The following PCDHA9 variants were observed in gnomAD, a reference collection of about 807,000 sequenced individuals.
PCDHA9 encodes the protein protocadherin alpha-9.
PCDHA9 carries 62 observed loss-of-function variants against 62.0 expected under a neutral mutation model. That is an observed-to-expected ratio of 1.00 (90% CI 0.81 to 1.23). The LOEUF (loss-of-function observed/expected upper bound fraction) is 1.23. Among genes scored for constraint, PCDHA9 ranks in the 50% most tolerant of loss-of-function variants. PCDHA9 has a pLI of 0.00. For missense variants in PCDHA9, 1,205 were observed against 1,249.8 expected, an observed-to-expected ratio of 0.96 and a Z score of 0.54; for synonymous variants, 557 against 567.6, an observed-to-expected ratio of 0.98 and a Z score of 0.27.
chr5:140,850,792 A>C lies in PCDHA9; in HGVS notation c.2297A>C (p.Lys766Thr), dbSNP rs1280178447. 6.3e-7 allele frequency: 1 copy of C among 1,598,354 alleles called. No individual in the cohort carries two copies. Among genetic ancestry groups the C allele is most frequent in the African/African-American group, 1.3e-5 (1 of 74,312 alleles). ...GTGTGCTCTGGCGAGGGTAAGCAGA[A>C]GACCGACCTCATGGCCTTCAGCCCG... ...QRVCSGEGKQ[K>T]TDLMAFSPGL... The change falls in exon 1 of 4, where the codon AAG becomes ACG. Residue 766 changes from lysine (K) to threonine (T), a missense_variant. Lys to Thr is a moderately conservative substitution (Grantham distance 78, BLOSUM62 -1). Around this residue, in one of 3 missense-constraint regions of PCDHA9, gnomAD observed 887 missense variants for 809.5 expected, o/e 1.10. Coordinates refer to ENST00000532602, the MANE Select transcript of PCDHA9 (RefSeq NM_031857.2).
chr5:140,941,211 CTTCCTTTCTTT>C (rs782043135), intron 1 of PCDHA9, among the ~76,000 whole-genome samples: 8,933 of 129,680 alleles, frequency 0.069, 349 homozygotes, highest in Non-Finnish European at 0.093. Flanking sequence ...TCCTTTCTTT[CTTCCTTTCTTT>C]CTTTCTTTCT....
At chr5:140,876,394 C>T in intron 1 of PCDHA9, 1 of 1,613,826 alleles carries the variant, frequency 6.2e-7, no homozygotes, top group Non-Finnish European at 8.5e-7. Flanking sequence ...TTATGGTGAA[C>T]TGGATTTTGA....
rs1554149682 is a variant in PCDHA9, at chr5:140,857,224, T to C, written c.2394+6335T>C. ...TCACCTGCTCTCTGACGCCTCACGT[T>C]CCGTTCAAGCTGGTGTCCACCTACA... On this transcript the variant is annotated intron_variant, in intron 1 of 3. Transcript: ENST00000532602. 4 of 1,598,426 alleles carry C rather than the reference T, an allele frequency of 2.5e-6. 1 individual carries two copies. Among genetic ancestry groups the C allele is most frequent in the Non-Finnish European group, 3.4e-6 (4 of 1,167,908 alleles).
intron 1 of PCDHA9, among the ~76,000 whole-genome samples, chr5:140,891,658 C>T (rs1241439148): frequency 6.6e-6 from 1 of 151,928 alleles, no homozygotes; most frequent in Non-Finnish European, 1.5e-5. Context: ...GATAGTTCAC[C>T]CACCTTAAAG....
chr5:140,883,503 C>T (rs782604086), intron 1 of PCDHA9: 7 of 1,614,204 alleles, frequency 4.3e-6, no homozygotes, highest in Non-Finnish European at 5.9e-6. Flanking sequence ...CTGGACAGCG[C>T]CCTGGACCGC....
chr5:140,870,334 G>T lies in PCDHA9; in HGVS notation c.2394+19445G>T, dbSNP rs180868237. The T allele has an allele frequency of 3.1e-6, 5 of 1,614,166 alleles. No individual in the cohort carries two copies. The highest frequency in any genetic ancestry group is 1.7e-5 in the Admixed American group (1 of 60,020). ...TTACTACTCGTTGGTGCTGGACAGCGCCCTGGACCGCGAGAACGTGTGGGC... is the reference window on the plus strand; with the variant it reads ...TTACTACTCGTTGGTGCTGGACAGCTCCCTGGACCGCGAGAACGTGTGGGC... On this transcript the variant is annotated intron_variant, in intron 1 of 3. Transcript: ENST00000532602.
chr5:140,950,569 T>G (rs969438550), intron 1 of PCDHA9, among the ~76,000 whole-genome samples: 2 of 152,120 alleles, frequency 1.3e-5, no homozygotes, highest in African/African-American at 4.8e-5. Context: ...TATTTTAAGG[T>G]TTTCTACTTA....
chr5:140,894,354 TTTC>T (rs1477056787), intron 1 of PCDHA9, among the ~76,000 whole-genome samples: 2 of 152,070 alleles, frequency 1.3e-5, no homozygotes, highest in Admixed American at 1.3e-4. Context: ...TTACTTCAGA[TTTC>T]TTCTTCAATG....
rs186453463 is a variant in PCDHA9 at position 140,951,770 on chromosome 5, C to T, written c.2395-27179C>T. On this transcript the variant is annotated intron_variant, in intron 1 of 3. Transcript: ENST00000532602. ...ACCCTCCGCGAAATCTCATGACGTT[C>T]TTACATTGCAAAATACAATTATCCC... 1.6e-3 allele frequency among the ~76,000 whole-genome samples: 247 copies of T among 152,268 alleles called. 1 individual carries two copies. The highest frequency in any genetic ancestry group is 5.5e-3 in the African/African-American group (229 of 41,576).
At chr5:140,850,974 GT>G in intron 1 of PCDHA9, 85 bp downstream of exon 1, 1 of 1,455,106 alleles carries the variant, frequency 6.9e-7, no homozygotes, top group Non-Finnish European at 9.2e-7. Flanking sequence ...CGTTCAAATA[GT>G]TTTATTCATT....
intron 1 of PCDHA9, among the ~76,000 whole-genome samples, chr5:140,922,177 A>C (rs1194396252): frequency 2.9e-5 from 2 of 69,034 alleles, no homozygotes; most frequent in African/African-American, 9.2e-5. Context: ...TACAGCAGAC[A>C]AAAAAAAAGT....
intron 1 of PCDHA9, among the ~76,000 whole-genome samples, chr5:140,902,424 G>A (rs1422453587): frequency 6.6e-6 from 1 of 152,038 alleles, no homozygotes; most frequent in African/African-American, 2.4e-5. Flanking sequence ...AGTGGTGAAA[G>A]TGGGCATCCT....
At chr5:140,857,736 C>T in intron 1 of PCDHA9, 2 of 1,597,364 alleles carry the variant, frequency 1.3e-6, no homozygotes, top group African/African-American at 1.3e-5. Flanking sequence ...AACGCTCCCG[C>T]GCTGCTGGCG....
Position 140,848,535 on chromosome 5 carries a change from C to G in PCDHA9, c.40C>G (p.Leu14Val), listed in dbSNP as rs2150412209. The change falls in exon 1 of 4, where the codon CTA (leucine) becomes GTA (valine). Residue 14 changes from leucine to valine, a missense_variant. By Grantham distance (32) the Leu-to-Val change is conservative. Around this residue, in one of 3 missense-constraint regions of PCDHA9, gnomAD observed 208 missense variants for 213.2 expected, o/e 0.98. Transcript: ENST00000532602. ...SSRGDPEGQP[L>V]LLSLLILAMW... ...TCGAGGAGATCCAGAGGGTCAGCCT[C>G]TACTGCTCTCGCTTCTGATCCTCGC... The G allele has an allele frequency of 1.3e-6, 2 of 1,595,366 alleles. No individual in the cohort carries two copies. The highest frequency in any genetic ancestry group is 2.2e-5 in the South Asian group (2 of 90,470).
chr5:140,882,886 G>C, intron 1 of PCDHA9: 1 of 1,614,200 alleles, frequency 6.2e-7, no homozygotes, highest in Non-Finnish European at 8.5e-7. Context: ...AGGAAATTCA[G>C]GAACATAGTT....
chr5:140,877,684 A>C, intron 1 of PCDHA9: 1 of 1,613,768 alleles, frequency 6.2e-7, no homozygotes, highest in East Asian at 2.2e-5. Flanking sequence ...GGGCAAGCCC[A>C]CGCTGGTGTG....
At position 140,850,049 on chromosome 5, in the gene PCDHA9, C is replaced by G. The variant is rs2150465227; in HGVS notation, c.1554C>G (p.Tyr518Ter). The G allele has an allele frequency of 3.1e-6, 5 of 1,596,466 alleles. No individual in the cohort carries two copies. Among genetic ancestry groups the G allele is most frequent in the Non-Finnish European group, 3.4e-6 (4 of 1,167,800 alleles). Residue 518 changes from tyrosine (Y) to a stop codon, truncating the protein, a stop_gained, in exon 1 of 4, where the codon TAC becomes TAG. Coordinates refer to ENST00000532602, the MANE Select transcript of PCDHA9 (RefSeq NM_031857.2). LOFTEE classifies it high-confidence loss of function. ...VSVHAESGKVYALQPLDHEEL... is the reference protein window; with the variant it reads ...VSVHAESGKV ...TGCACGCGGAGAGCGGCAAGGTGTA[C>G]GCGCTGCAGCCGTTGGACCACGAGG...
intron 1 of PCDHA9, among the ~76,000 whole-genome samples, chr5:140,888,585 AC>A (rs1327529840): frequency 4.6e-5 from 7 of 152,358 alleles, no homozygotes; most frequent in African/African-American, 1.4e-4. Flanking sequence ...ATTTGTTAGT[AC>A]ACATTCAGAG....
intron 1 of PCDHA9, chr5:140,966,946 C>T: frequency 6.2e-7 from 1 of 1,603,486 alleles, no homozygotes; most frequent in Non-Finnish European, 8.5e-7. Flanking sequence ...TCGTGGGCAA[C>T]GTGGCTCGCG....
Sources: gnomAD v4.1 joint callset for allele counts (sites outside exome capture counted in the v4.1 genomes callset) on GRCh38, gnomAD v4.1.1 for gene constraint, gnomAD v4.1.1 regional missense constraint, MANE v1.5 for transcripts, NCBI Gene and HGNC (gene_info 2026-07-23, HGNC 2026-07-21) for gene names.